The following ZNF180 variants were observed in gnomAD, a reference collection of about 807,000 sequenced individuals.
ZNF180 encodes the protein zinc finger protein 180, also known as zinc finger protein 180 (HHZ168).
Under a neutral mutation model 11.8 loss-of-function variants are expected in ZNF180, and 11 were observed. That is an observed-to-expected ratio of 0.93 (90% confidence interval 0.59 to 1.55). The LOEUF (loss-of-function observed/expected upper bound fraction) is 1.55. Among genes scored for constraint, ZNF180 ranks in the 40% most tolerant of loss-of-function variants. ZNF180 has a pLI of 0.00. For missense variants in ZNF180, 773 were observed against 781.7 expected (o/e 0.99, Z 0.13); for synonymous variants, 287 against 257.7 (o/e 1.11, Z -1.09).
chr19:44,488,468 T>G (rs1416945040), intron 2 of ZNF180, among the ~76,000 whole-genome samples: 1 of 152,212 alleles, frequency 6.6e-6, no homozygotes, highest in African/African-American at 2.4e-5. Context: ...GGTTTCGCTG[T>G]GTTGGCCGGG....
chr19:44,485,903 A>AT (rs1263069005), intron 2 of ZNF180, among the ~76,000 whole-genome samples: 2 of 152,120 alleles, frequency 1.3e-5, no homozygotes, highest in African/African-American at 4.8e-5. Flanking sequence ...TAAAGGCAAT[A>AT]TTTTTAAAAG....
chr19:44,500,374 C>G lies in ZNF180; in HGVS notation c.-143G>C. 1 of 1,128,612 alleles carries G rather than the reference C, an allele frequency of 8.9e-7. No individual in the cohort carries two copies. The highest frequency in any genetic ancestry group is 1.3e-6 in the Non-Finnish European group (1 of 763,346). The allele number at this position is 1,128,612 out of a possible 1,614,324, so 69.9% of individuals were successfully genotyped here. A position where few individuals can be genotyped will look rare whatever the true frequency, so the allele number is the denominator to read the frequency against. On this transcript the variant is annotated 5_prime_UTR_variant, in exon 1 of 5. Coordinates refer to ENST00000592529, the MANE Select transcript of ZNF180 (RefSeq NM_001278509.3). ...CGAACTCGGGTTAGGCAACCCCCTG[C>G]CCCGATTCTGCAACACGGCCGACTC... is the stretch of plus-strand genomic sequence containing the variant.
At position 44,474,872 on chromosome 19, in the gene ZNF180, C is replaced by T. The variant is rs1308219863; in HGVS notation, c.*1530G>A. The stretch of plus-strand genomic sequence containing the variant: ...TTCAGTATTTCACACTCCATGAAAA[C>T]ATCAGCAACTGTTTTCCCAGACCTG... On this transcript the variant is annotated 3_prime_UTR_variant, in exon 5 of 5. Coordinates refer to ENST00000592529, the MANE Select transcript of ZNF180 (RefSeq NM_001278509.3). The T allele has an allele frequency of 2.0e-5, 3 of 152,264 alleles. No individual in the cohort carries two copies. The highest frequency in any genetic ancestry group is 6.5e-5 in the Admixed American group (1 of 15,292). The allele number at this position is 152,264 out of a possible 1,614,324, so 9.4% of individuals were successfully genotyped here.
At chr19:44,481,609 T>C (rs1021164985) in intron 3 of ZNF180, among the ~76,000 whole-genome samples, 1 of 152,214 alleles carries the variant, frequency 6.6e-6, no homozygotes, top group Non-Finnish European at 1.5e-5. Flanking sequence ...AATCACACTT[T>C]CTTATTTGCA....
chr19:44,481,596 T>C (rs1882682519), intron 3 of ZNF180, among the ~76,000 whole-genome samples: 2 of 152,370 alleles, frequency 1.3e-5, no homozygotes, highest in South Asian at 4.1e-4. Flanking sequence ...CATGGACTTC[T>C]ATAATCACAC....
chr19:44,494,935 T>G (rs13343871), intron 2 of ZNF180, among the ~76,000 whole-genome samples: 46,481 of 151,980 alleles, frequency 0.31, 7,900 homozygotes, highest in African/African-American at 0.44. Context: ...GGTATTAGGA[T>G]GTCACTGCTC....
chr19:44,482,234 G>A (rs543664469), intron 3 of ZNF180, among the ~76,000 whole-genome samples: 12 of 152,216 alleles, frequency 7.9e-5, no homozygotes, highest in Admixed American at 3.3e-4. Flanking sequence ...CCTGAGCCTC[G>A]GAATTCAAGG....
chr19:44,476,286 G>C lies in ZNF180; in HGVS notation c.*116C>G, dbSNP rs1969865575. On this transcript the variant is annotated 3_prime_UTR_variant, in exon 5 of 5. Coordinates refer to ENST00000592529, the MANE Select transcript of ZNF180 (RefSeq NM_001278509.3). ...GAGACACACAATTAACAGAGGGCTG[G>C]AAGTTTTCCCACATATATTGTTTTT... The C allele has an allele frequency of 4.9e-6, 5 of 1,019,380 alleles. No homozygotes were observed. Among genetic ancestry groups the C allele is most frequent in the Non-Finnish European group, 6.8e-6 (5 of 732,864 alleles). The allele number at this position is 1,019,380 out of a possible 1,614,324, so 63.1% of individuals were successfully genotyped here. A position where few individuals can be genotyped will look rare whatever the true frequency, so the allele number is the denominator to read the frequency against.
At chr19:44,479,560 T>A in intron 3 of ZNF180, 151 bp from the exon 4 acceptor site, 1 of 1,002,320 alleles carries the variant, frequency 1.0e-6, no homozygotes, top group Non-Finnish European at 1.5e-6. Flanking sequence ...AGTCAAGATG[T>A]ACAGGTGCCT....
At chr19:44,479,178 T>C in intron 4 of ZNF180, 105 bp downstream of exon 4, 1 of 1,396,558 alleles carries the variant, frequency 7.2e-7, no homozygotes, top group Non-Finnish European at 9.7e-7. Context: ...ACAATCTAGA[T>C]GCAGCCAAAA....
chr19:44,478,503 G>C (rs972795916), intron 4 of ZNF180, among the ~76,000 whole-genome samples: 1 of 152,170 alleles, frequency 6.6e-6, no homozygotes, highest in Non-Finnish European at 1.5e-5. Flanking sequence ...CCACTCTTTA[G>C]TGCTACACAG....
chr19:44,483,018 A>C (rs1407463726), intron 3 of ZNF180, among the ~76,000 whole-genome samples: 1 of 152,262 alleles, frequency 6.6e-6, no homozygotes, highest in Non-Finnish European at 1.5e-5. Flanking sequence ...CCAGACCTTG[A>C]AATTGTCATA....
rs759962341 is a variant in ZNF180, at chr19:44,476,534, A to G, written c.1866T>C (p.Ile622=). Residue 622 remains isoleucine (I), a synonymous_variant, in exon 5 of 5, where the codon ATT becomes ATC. Coordinates refer to ENST00000592529, the MANE Select transcript of ZNF180 (RefSeq NM_001278509.3). Reference sequence around the variant, plus strand: ...CTCCAGTATGAGTTCTTTGATGCACAATAAGTCGAGCACTCAAGCTAAATG... The same window carrying G: ...CTCCAGTATGAGTTCTTTGATGCACGATAAGTCGAGCACTCAAGCTAAATG... ...GKTFSLSARL[I]VHQRTHTGEK... The G allele has an allele frequency of 6.2e-7, 1 of 1,614,154 alleles. No individual in the cohort carries two copies. Among genetic ancestry groups the G allele is most frequent in the Admixed American group, 1.7e-5 (1 of 60,026 alleles).
rs1369390218 is a variant in ZNF180 at position 44,477,941 on chromosome 19, T to C, written c.459A>G (p.Gln153=). 1 of 1,613,892 alleles carries C rather than the reference T, an allele frequency of 6.2e-7. No individual in the cohort carries two copies. The highest frequency in any genetic ancestry group is 2.2e-5 in the East Asian group (1 of 44,874). The part of the protein sequence containing the change: ...EILLQEVAFT[Q]RKAVIHERVC... Reference sequence around the variant, plus strand: ...CTCTCTCATGAATAACTGCTTTCCTTTGAGTGAATGCCACTTCCTGCAAAA... The same window carrying C: ...CTCTCTCATGAATAACTGCTTTCCTCTGAGTGAATGCCACTTCCTGCAAAA... The change falls in exon 5 of 5, where the codon CAA becomes CAG. Residue 153 remains glutamine (Q), a synonymous_variant. Transcript: ENST00000592529.
chr19:44,486,666 G>A (rs1312834060), intron 2 of ZNF180, among the ~76,000 whole-genome samples: 1 of 152,274 alleles, frequency 6.6e-6, no homozygotes, highest in Admixed American at 6.5e-5. Flanking sequence ...TGCTTTGGGA[G>A]GCTGAGGTGG....
At chr19:44,494,886 T>C (rs1210519046) in intron 2 of ZNF180, among the ~76,000 whole-genome samples, 1 of 152,126 alleles carries the variant, frequency 6.6e-6, no homozygotes, top group Non-Finnish European at 1.5e-5. Context: ...ACCTGTAACA[T>C]ATTTAGAAGG....
chr19:44,477,352 CTG>C lies in ZNF180; in HGVS notation c.1046_1047del (p.Thr349ArgfsTer6), dbSNP rs1484739101. The C allele has an allele frequency of 5.0e-6, 8 of 1,613,548 alleles. No homozygotes were observed. Among genetic ancestry groups the C allele is most frequent in the African/African-American group, 2.7e-5 (2 of 74,868 alleles). ...SHLVAHQRTH[T>X]GEKPYECSEC... is the part of the protein sequence containing the mutation. ...TCACTACATTCATAAGGTTTCTCCCCTGTGTGAGTTCTCTGATGTGCAACAAG... is the reference window on the plus strand; with the variant it reads ...TCACTACATTCATAAGGTTTCTCCCCTGTGAGTTCTCTGATGTGCAACAAG... On this transcript the variant is annotated frameshift_variant, in exon 5 of 5. Coordinates refer to ENST00000592529, the MANE Select transcript of ZNF180 (RefSeq NM_001278509.3). LOFTEE classifies it low-confidence loss of function (END_TRUNC).
At chr19:44,496,672 C>CAAAAAAAAAAAAAAAAA (rs55678572) in intron 2 of ZNF180, 8 of 71,620 alleles carry the variant, frequency 1.1e-4, no homozygotes, top group East Asian at 5.6e-4. Flanking sequence ...GACTCTGTCT[C>CAAAAAAAAAAAAAAAAA]AAAAAAAAAA....
In ZNF180 at chr19:44,474,646, T is replaced by C. The variant is rs1969812887; in HGVS notation, c.*1756A>G. Reference sequence around the variant, plus strand: ...TTGTGCTTCTTAAAGATGGTTAAAATAGGACAGACAGACTTGGAACTTTGT... The same window carrying C: ...TTGTGCTTCTTAAAGATGGTTAAAACAGGACAGACAGACTTGGAACTTTGT... On this transcript the variant is annotated 3_prime_UTR_variant, in exon 5 of 5. Coordinates refer to ENST00000592529, the MANE Select transcript of ZNF180 (RefSeq NM_001278509.3). 1 of 152,182 alleles carries C rather than the reference T, an allele frequency of 6.6e-6. No homozygotes were observed. Among genetic ancestry groups the C allele is most frequent in the African/African-American group, 2.4e-5 (1 of 41,428 alleles). 9.4% of individuals were successfully genotyped at this position (152,182 alleles called of 1,614,324 possible).
Sources: allele counts gnomAD v4.1 joint callset (sites outside exome capture counted in the v4.1 genomes callset), GRCh38; gene constraint gnomAD v4.1.1; transcripts MANE v1.5; gene names NCBI Gene and HGNC (gene_info 2026-07-23, HGNC 2026-07-21).